Variants in EFCAB13 observed in about 807,000 individuals in gnomAD.
EFCAB13 encodes EF-hand calcium-binding domain-containing protein 13.
Under a neutral mutation model 110.2 loss-of-function variants are expected in EFCAB13, and 91 were observed. The ratio of observed to expected loss-of-function variants is 0.83; its 90% CI spans 0.70 to 0.98. EFCAB13 has a LOEUF of 0.98. Among genes scored for constraint, EFCAB13 ranks in the 50% least tolerant of loss-of-function variants. EFCAB13 has a pLI of 0.00. For synonymous variants in EFCAB13, 323 were observed against 369.9 expected, an observed-to-expected ratio of 0.87 and a Z score of 1.45; for missense variants, 968 against 1,119.4, an observed-to-expected ratio of 0.86 and a Z score of 1.93.
Position 47,351,304 on chromosome 17 carries a change from TGC to T in EFCAB13, c.661+3376_661+3377del, listed in dbSNP as rs71141904. Among the ~76,000 whole-genome samples the T allele has an allele frequency of 7.2e-3, 881 of 123,064 alleles. 4 individuals are homozygous for T. Among genetic ancestry groups the T allele is most frequent in the African/African-American group, 0.011 (405 of 38,156 alleles). 80.7% of individuals were successfully genotyped at this position (123,064 alleles called of 152,430 possible). A position where few individuals can be genotyped will look rare whatever the true frequency, so the allele number is the denominator to read the frequency against. ...CTGTGTGTGTGTGTGTGTGTGTGTG[TGC>T]GCGCGCGCGCGCGCGCGCGCGCCAC... On this transcript the variant is annotated intron_variant, in intron 9 of 24. Transcript: ENST00000331493.
At chr17:47,429,766 C>G (rs983950447) in intron 23 of EFCAB13, 52 bp from the exon 24 acceptor site, 1 of 1,522,990 alleles carries the variant, frequency 6.6e-7, no homozygotes, top group African/African-American at 1.4e-5. Flanking sequence ...TAACTAATAA[C>G]ATATGCTCTA....
intron 23 of EFCAB13, among the ~76,000 whole-genome samples, chr17:47,424,006 G>A (rs1026648682): frequency 6.6e-5 from 10 of 152,110 alleles, no homozygotes; most frequent in African/African-American, 2.4e-4. Context: ...AGGGCCGGGA[G>A]CTGGACTCTG....
chr17:47,419,902 A>G (rs1392069853), intron 23 of EFCAB13, among the ~76,000 whole-genome samples: 1 of 149,868 alleles, frequency 6.7e-6, no homozygotes, highest in East Asian at 1.9e-4. Context: ...AGATCTACAT[A>G]TAAGAAATGT....
In EFCAB13 at chr17:47,347,986, C is replaced by T. The variant is rs775562891; in HGVS notation, c.661+35C>T. The T allele has an allele frequency of 6.7e-6, 9 of 1,349,956 alleles. No homozygotes were observed. The African/African-American group carries it at 1.2e-4, about 18-fold the overall frequency. 83.6% of individuals were successfully genotyped at this position (1,349,956 alleles called of 1,614,324 possible). A position where few individuals can be genotyped will look rare whatever the true frequency, so the allele number is the denominator to read the frequency against. ...ATCTTTTCAGTATTAGTTTAAGGGT[C>T]TGCAATCATAAATATGTTTGTCAGA... On this transcript the variant is annotated intron_variant, in intron 9 of 24. Coordinates refer to ENST00000331493, the MANE Select transcript of EFCAB13 (RefSeq NM_152347.5).
intron 4 of EFCAB13, among the ~76,000 whole-genome samples, chr17:47,329,203 A>G (rs1042018665): frequency 6.6e-6 from 1 of 152,130 alleles, no homozygotes; most frequent in African/African-American, 2.4e-5. Flanking sequence ...TGGCATTGTC[A>G]TAAGTAAACA....
At chr17:47,342,815 T>C (rs1454573614) in intron 6 of EFCAB13, among the ~76,000 whole-genome samples, 1 of 152,164 alleles carries the variant, frequency 6.6e-6, no homozygotes, top group Non-Finnish European at 1.5e-5. Flanking sequence ...TTTTTGTCTA[T>C]TCTGTCTCTC....
chr17:47,394,085 T>C lies in EFCAB13; in HGVS notation c.1787T>C (p.Phe596Ser). The C allele has an allele frequency of 6.5e-7, 1 of 1,529,670 alleles. No homozygotes were observed. Among genetic ancestry groups the C allele is most frequent in the Admixed American group, 2.1e-5 (1 of 46,754 alleles). The allele number at this position is 1,529,670 out of a possible 1,614,324, so 94.8% of individuals were successfully genotyped here. A position where few individuals can be genotyped will look rare whatever the true frequency, so the allele number is the denominator to read the frequency against. The change falls in exon 16 of 25, where the codon TTC becomes TCC. Residue 596 changes from phenylalanine to serine, a missense_variant. Phe to Ser is a radical substitution (Grantham distance 155, BLOSUM62 -2). Coordinates refer to ENST00000331493, the MANE Select transcript of EFCAB13 (RefSeq NM_152347.5). ...ACTATGATGAGCAACACGGAATGCT[T>C]CTCTGAAAAATTAGGTACGTAAGAA... is the stretch of plus-strand genomic sequence containing the variant. ...IDTMMSNTEC[F>S]SEKLVLPDAI... is the part of the protein sequence containing the mutation.
At position 47,409,655 on chromosome 17, in the gene EFCAB13, A is replaced by G; in HGVS notation, c.2242A>G (p.Lys748Glu). ...QKFSNYIDFR[K>E]EASNLKLPKV... ...TCTCTCTAAATTTGCAGATTTCAGG[A>G]AAGAGGCTTCAAATCTAAAATTACC... is the stretch of plus-strand genomic sequence containing the variant. The change falls in exon 21 of 25, where the codon AAA (lysine) becomes GAA (glutamate). Residue 748 changes from lysine to glutamate, a missense_variant. Transcript: ENST00000331493. 6.2e-7 allele frequency: 1 copy of G among 1,611,272 alleles called. No individual in the cohort carries two copies. Among genetic ancestry groups the G allele is most frequent in the East Asian group, 2.2e-5 (1 of 44,786 alleles).
chr17:47,395,279 T>A (rs2065730996), intron 16 of EFCAB13, among the ~76,000 whole-genome samples: 1 of 152,192 alleles, frequency 6.6e-6, no homozygotes, highest in Admixed American at 6.5e-5. Context: ...AAAATCTTGG[T>A]CACTAATATC....
At chr17:47,353,924 G>A (rs113559375) in intron 9 of EFCAB13, among the ~76,000 whole-genome samples, 11 of 151,982 alleles carry the variant, frequency 7.2e-5, no homozygotes, top group African/African-American at 2.7e-4. Context: ...CTGGGTTTGG[G>A]TTTGGTTTGT....
At chr17:47,420,894 C>T (rs1449928976) in intron 23 of EFCAB13, among the ~76,000 whole-genome samples, 10 of 131,636 alleles carry the variant, frequency 7.6e-5, no homozygotes, top group Non-Finnish European at 1.7e-4. Context: ...GCCAGCCGCC[C>T]CGTCTGGGAG....
intron 11 of EFCAB13, among the ~76,000 whole-genome samples, chr17:47,373,657 A>C (rs1294178390): frequency 6.6e-6 from 1 of 152,090 alleles, no homozygotes; most frequent in Non-Finnish European, 1.5e-5. Context: ...TCACTAACCT[A>C]TTTATCTGAT....
chr17:47,374,954 A>G lies in EFCAB13; in HGVS notation c.1360A>G (p.Ile454Val), dbSNP rs763617148. 13 of 1,573,300 alleles carry G rather than the reference A, an allele frequency of 8.3e-6. No homozygotes were observed. The South Asian group carries it at 8.5e-5, about 10-fold the overall frequency. ...GGTTTCGTCTACGGAAAAAACTGCA[A>G]TTAGTACTCTGGGTAAGTAAAAATC... ...KQVSSTEKTA[I>V]STLENFCEAI... The change falls in exon 12 of 25, where the codon ATT (isoleucine) becomes GTT (valine). Residue 454 changes from isoleucine (I) to valine (V), a missense_variant. Coordinates refer to ENST00000331493, the MANE Select transcript of EFCAB13 (RefSeq NM_152347.5).
At chr17:47,356,075 C>G (rs2065479258) in intron 9 of EFCAB13, among the ~76,000 whole-genome samples, 1 of 151,590 alleles carries the variant, frequency 6.6e-6, no homozygotes, top group African/African-American at 2.4e-5. Flanking sequence ...TGTTATTTCA[C>G]TGGAGATTTT....
At chr17:47,368,936 T>A (rs2065565081) in intron 10 of EFCAB13, among the ~76,000 whole-genome samples, 1 of 152,234 alleles carries the variant, frequency 6.6e-6, no homozygotes, top group Non-Finnish European at 1.5e-5. Context: ...GGCTATCATC[T>A]TCCAGCAATT....
rs959008680 is a variant in EFCAB13, at chr17:47,324,526, T to G, written c.-248+3T>G. The G allele has an allele frequency of 6.6e-6, 1 of 152,114 alleles. No individual in the cohort carries two copies. The highest frequency in any genetic ancestry group is 6.5e-5 in the Admixed American group (1 of 15,280). 9.4% of individuals were successfully genotyped at this position (152,114 alleles called of 1,614,324 possible). ...GTGGGTTCTTGGAAGAGGTGGAGGT[T>G]CGTTCACTCGACGTTTGTTACACAA... On this transcript the variant is annotated splice_donor_region_variant and intron_variant, in intron 2 of 24. Coordinates refer to ENST00000331493, the MANE Select transcript of EFCAB13 (RefSeq NM_152347.5).
intron 13 of EFCAB13, among the ~76,000 whole-genome samples, chr17:47,378,876 A>G (rs1409247545): frequency 6.6e-6 from 1 of 151,852 alleles, no homozygotes; most frequent in African/African-American, 2.4e-5. Context: ...TTTTTCCTAG[A>G]TCTGTTAAGA....
intron 5 of EFCAB13, among the ~76,000 whole-genome samples, chr17:47,337,014 A>C (rs563772401): frequency 6.6e-6 from 1 of 152,244 alleles, no homozygotes; most frequent in Non-Finnish European, 1.5e-5. Context: ...CACCTAAATA[A>C]AAATCTCCTC....
intron 17 of EFCAB13, 69 bp from the exon 18 acceptor site, chr17:47,402,062 TA>T: frequency 8.3e-7 from 1 of 1,204,898 alleles, no homozygotes; most frequent in Non-Finnish European, 1.2e-6. Flanking sequence ...TTTACATTTT[TA>T]TAGGTTGCTT....
Sources: gnomAD v4.1 joint callset for allele counts (sites outside exome capture counted in the v4.1 genomes callset) on GRCh38, gnomAD v4.1.1 for gene constraint, MANE v1.5 for transcripts, NCBI Gene and HGNC (gene_info 2026-07-23, HGNC 2026-07-21) for gene names.